The following EPAS1 variants were observed in gnomAD, a reference collection of about 807,000 sequenced individuals.
The protein encoded by EPAS1 is endothelial PAS domain-containing protein 1.
A neutral mutation model predicts 87.9 loss-of-function variants in EPAS1; 23 were observed. The ratio of observed to expected loss-of-function variants is 0.26; its 90% CI spans 0.19 to 0.37. EPAS1 has a LOEUF of 0.37. Ranked by LOEUF, EPAS1 falls within the 10% of genes least tolerant of loss-of-function variation. The probability of loss-of-function intolerance (pLI) is 1.00; values close to 1 mark genes in which losing one functional copy is unlikely to be tolerated. For synonymous variants in EPAS1, 508 were observed against 444.3 expected, an observed-to-expected ratio of 1.14 and a Z score of -1.80; for missense variants, 1,138 against 1,120.7, an observed-to-expected ratio of 1.02 and a Z score of -0.22.
intron 6 of EPAS1, among the ~76,000 whole-genome samples, chr2:46,363,660 G>C (rs917593806): frequency 2.0e-5 from 3 of 152,174 alleles, no homozygotes; most frequent in Non-Finnish European, 2.9e-5. Flanking sequence ...GCTCAGGGCT[G>C]GTAGCCAGAG....
chr2:46,341,795 C>T (rs544813106), intron 1 of EPAS1, among the ~76,000 whole-genome samples: 16 of 152,312 alleles, frequency 1.1e-4, no homozygotes, highest in Admixed American at 2.6e-4. Flanking sequence ...TTGAGACCCA[C>T]GGCTCTGCAA....
intron 6 of EPAS1, among the ~76,000 whole-genome samples, chr2:46,361,568 G>T (rs1462701160): frequency 6.6e-6 from 1 of 152,128 alleles, no homozygotes; most frequent in Non-Finnish European, 1.5e-5. Context: ...ATTCCGGCCA[G>T]TGTCCAGCCA....
intron 7 of EPAS1, among the ~76,000 whole-genome samples, chr2:46,372,842 A>C (rs1684655121): frequency 6.6e-6 from 1 of 152,268 alleles, no homozygotes. Context: ...GGACCATCTA[A>C]ATAAGTTAAA....
chr2:46,314,072 C>T (rs936882972), intron 1 of EPAS1, among the ~76,000 whole-genome samples: 2 of 152,158 alleles, frequency 1.3e-5, no homozygotes, highest in Non-Finnish European at 2.9e-5. Context: ...GATCACAAAA[C>T]CAGAGAGTGG....
rs997241997 is a variant in EPAS1, at chr2:46,371,562, T to C, written c.886+1629T>C. On this transcript the variant is annotated intron_variant, in intron 7 of 15. Coordinates refer to ENST00000263734, the MANE Select transcript of EPAS1 (RefSeq NM_001430.5). This position sits in a 1 kb window ranked among gnomAD's most constrained non-coding sequence, Gnocchi z 4.3. ...GGGTAGGAGTGGAGGTACTCTTTTA[T>C]GCCTGTGAATGTGACCCCACCTTAG... 6.6e-6 allele frequency among the ~76,000 whole-genome samples: 1 copy of C among 152,192 alleles called. No individual in the cohort carries two copies. The highest frequency in any genetic ancestry group is 6.5e-5 in the Admixed American group (1 of 15,278).
At chr2:46,329,549 C>G (rs59214702) in intron 1 of EPAS1, among the ~76,000 whole-genome samples, 2,268 of 152,190 alleles carry the variant, frequency 0.015, 60 homozygotes, top group African/African-American at 0.051. Flanking sequence ...CACGGCCAGG[C>G]GTGGTGGCTC....
rs533292198 is a variant in EPAS1, at chr2:46,361,715, G to A, written c.779+625G>A. Among the ~76,000 whole-genome samples the A allele has an allele frequency of 2.6e-5, 4 of 152,328 alleles. No individual in the cohort carries two copies. In the South Asian group the frequency reaches 8.3e-4, roughly 32 times the overall value. On this transcript the variant is annotated intron_variant, in intron 6 of 15. Coordinates refer to ENST00000263734, the MANE Select transcript of EPAS1 (RefSeq NM_001430.5). ...CTTAGGTTCAAATTTAGTAATAAAT[G>A]TTCAGTGTTAGCTCTTATTATCACC...
At chr2:46,315,973 A>G (rs779823507) in intron 1 of EPAS1, among the ~76,000 whole-genome samples, 41 of 152,254 alleles carry the variant, frequency 2.7e-4, no homozygotes, top group Non-Finnish European at 4.0e-4. Context: ...ATAAAAAGTC[A>G]TAGTAAAAGA....
rs547223715 is a variant in EPAS1, at chr2:46,349,185, G to A, written c.217+2122G>A. 2.0e-5 allele frequency among the ~76,000 whole-genome samples: 3 copies of A among 152,338 alleles called. No homozygotes were observed. In the South Asian group the frequency reaches 6.2e-4, roughly 32 times the overall value. Reference sequence around the variant, plus strand: ...GGAACAAAGGTCAACAGAAGCAGCTGGGGGCCAGCGTGATGGGGAGGAGGT... The same window carrying A: ...GGAACAAAGGTCAACAGAAGCAGCTAGGGGCCAGCGTGATGGGGAGGAGGT... On this transcript the variant is annotated intron_variant, in intron 2 of 15. Transcript: ENST00000263734.
Position 46,379,215 on chromosome 2 carries a change from T to C in EPAS1, c.1554+448T>C, listed in dbSNP as rs78666506. On this transcript the variant is annotated intron_variant, in intron 11 of 15. Transcript: ENST00000263734. ...ATAACATCTGTTTGACAATTTTTCA[T>C]TTACATAAAACTTTTCAGGAACACA... Among the ~76,000 whole-genome samples the C allele has an allele frequency of 4.7e-3, 720 of 152,338 alleles. 3 individuals carry two copies. The highest frequency in any genetic ancestry group is 0.016 in the African/African-American group (684 of 41,566).
At chr2:46,348,259 C>T (rs1426014710) in intron 2 of EPAS1, among the ~76,000 whole-genome samples, 2 of 152,116 alleles carry the variant, frequency 1.3e-5, no homozygotes, top group Admixed American at 6.5e-5. Context: ...AAGATATGCT[C>T]CATAAATACT....
At chr2:46,363,586 A>C (rs3768727) in intron 6 of EPAS1, among the ~76,000 whole-genome samples, 1 of 152,084 alleles carries the variant, frequency 6.6e-6, no homozygotes, top group African/African-American at 2.4e-5. Flanking sequence ...TTGGATGTCT[A>C]AATGTGGCTG....
Position 46,380,902 on chromosome 2 carries a change from T to C in EPAS1, c.2045+185T>C, listed in dbSNP as rs977266756. On this transcript the variant is annotated intron_variant, in intron 12 of 15. Coordinates refer to ENST00000263734, the MANE Select transcript of EPAS1 (RefSeq NM_001430.5). This position sits in a 1 kb window ranked among gnomAD's most constrained non-coding sequence, Gnocchi z 4.4. Reference sequence around the variant, plus strand: ...CATGTGAGGCCTAGTGTAGGATGGGTTTTTATCTGGGCTGCCACTGAGGGC... The same window carrying C: ...CATGTGAGGCCTAGTGTAGGATGGGCTTTTATCTGGGCTGCCACTGAGGGC... 6.6e-6 allele frequency among the ~76,000 whole-genome samples: 1 copy of C among 151,778 alleles called. No individual in the cohort carries two copies. Among genetic ancestry groups the C allele is most frequent in the African/African-American group, 2.4e-5 (1 of 41,290 alleles).
At chr2:46,338,339 C>T (rs764476242) in intron 1 of EPAS1, among the ~76,000 whole-genome samples, 13 of 152,118 alleles carry the variant, frequency 8.5e-5, no homozygotes, top group Non-Finnish European at 1.6e-4. Flanking sequence ...TGGTTGTTTC[C>T]TAGTTATATA....
In EPAS1 at chr2:46,347,074, C is replaced by G; in HGVS notation, c.217+11C>G. The G allele has an allele frequency of 6.2e-7, 1 of 1,614,184 alleles. No individual in the cohort carries two copies. Among genetic ancestry groups the G allele is most frequent in the Non-Finnish European group, 8.5e-7 (1 of 1,180,012 alleles). ...AGCTCCTCTCCTCAGGTAAGGCCAG[C>G]AGGCTCCCCTAGGCTGGGCAGATGC... On this transcript the variant is annotated intron_variant, in intron 2 of 15. Coordinates refer to ENST00000263734, the MANE Select transcript of EPAS1 (RefSeq NM_001430.5). The surrounding 1 kb of genome is among the most constrained non-coding windows in gnomAD (Gnocchi z 4.2).
intron 1 of EPAS1, among the ~76,000 whole-genome samples, chr2:46,318,623 G>A (rs1314624700): frequency 6.6e-6 from 1 of 152,158 alleles, no homozygotes; most frequent in African/African-American, 2.4e-5. Context: ...AAGTTTTTGA[G>A]TGTTGTACCC....
At chr2:46,320,661 G>A (rs1572618684) in intron 1 of EPAS1, among the ~76,000 whole-genome samples, 1 of 152,220 alleles carries the variant, frequency 6.6e-6, no homozygotes, top group African/African-American at 2.4e-5. Flanking sequence ...TATGCTTGGA[G>A]TGTGGCAGAT....
At chr2:46,356,614 C>G (rs567440391) in intron 3 of EPAS1, 110 bp from the exon 4 acceptor site, 2 of 889,986 alleles carry the variant, frequency 2.2e-6, no homozygotes, top group East Asian at 4.8e-5. Flanking sequence ...ATGAGAAAAC[C>G]CAATTCAGTC....
At chr2:46,318,676 A>G (rs368589717) in intron 1 of EPAS1, among the ~76,000 whole-genome samples, 19 of 152,114 alleles carry the variant, frequency 1.2e-4, no homozygotes, top group African/African-American at 4.6e-4. Context: ...TTAGTTTTGC[A>G]TAGTGTGGTG....
Sources: allele counts gnomAD v4.1 joint callset (sites outside exome capture counted in the v4.1 genomes callset), GRCh38; gene constraint gnomAD v4.1.1; non-coding constraint Gnocchi (gnomAD v3.1); transcripts MANE v1.5; gene names NCBI Gene and HGNC (gene_info 2026-07-23, HGNC 2026-07-21).